The following AGAP1 variants were observed in gnomAD, a reference collection of about 807,000 sequenced individuals.
AGAP1 encodes arf-GAP with GTPase, ANK repeat and PH domain-containing protein 1.
A neutral mutation model predicts 105.3 loss-of-function variants in AGAP1; 29 were observed. The ratio of observed to expected loss-of-function variants is 0.28; its 90% CI spans 0.21 to 0.38. AGAP1 has a LOEUF of 0.38. AGAP1 is among the 10% of genes least tolerant of loss of function. AGAP1 has a pLI of 1.00. For synonymous variants in AGAP1, 509 were observed against 485.9 expected, an observed-to-expected ratio of 1.05 and a Z score of -0.63; for missense variants, 998 against 1,165.1, an observed-to-expected ratio of 0.86 and a Z score of 2.09.
chr2:235,799,427 A>G lies in AGAP1; in HGVS notation c.862A>G (p.Thr288Ala). Residue 288 changes from threonine (T) to alanine (A), a missense_variant, in exon 8 of 18, where the codon ACC becomes GCC. Physicochemically the swap from Thr to Ala is moderately conservative, Grantham distance 58. This residue lies in a region of AGAP1 where 735 missense variants were observed against 833.4 expected (regional missense o/e 0.88). Coordinates refer to ENST00000304032, the MANE Select transcript of AGAP1 (RefSeq NM_001037131.3). This position sits in a 1 kb window ranked among gnomAD's most constrained non-coding sequence, Gnocchi z 5.0. ...YSSSVPSTPS[T>A]SQKELRIDVP... ...CTCCTCCGTTCCATCGACTCCCAGC[A>G]CCAGCCAGAAGGAACTTCGGATCGA... 6.2e-7 allele frequency: 1 copy of G among 1,614,164 alleles called. No individual in the cohort carries two copies. The highest frequency in any genetic ancestry group is 8.5e-7 in the Non-Finnish European group (1 of 1,180,046).
intron 16 of AGAP1, among the ~76,000 whole-genome samples, chr2:236,057,655 A>G (rs940105059): frequency 6.6e-6 from 1 of 152,028 alleles, no homozygotes; most frequent in African/African-American, 2.4e-5. Flanking sequence ...AGACCTCACA[A>G]TCATATTTAT....
intron 6 of AGAP1, among the ~76,000 whole-genome samples, chr2:235,778,195 T>G (rs1956024529): frequency 1.3e-5 from 2 of 152,160 alleles, no homozygotes; most frequent in Admixed American, 1.3e-4. Context: ...CTGTGGCTGC[T>G]TGAGCACCAG....
chr2:235,686,727 T>C, intron 1 of AGAP1, among the ~76,000 whole-genome samples: 1 of 145,424 alleles, frequency 6.9e-6, no homozygotes, highest in Admixed American at 7.1e-5. Context: ...AGTGGCGTGA[T>C]CATGGTTCAC....
intron 16 of AGAP1, among the ~76,000 whole-genome samples, chr2:236,071,571 C>T (rs576164021): frequency 2.0e-5 from 3 of 152,300 alleles, no homozygotes; most frequent in African/African-American, 4.8e-5. Flanking sequence ...AGGGGACTCA[C>T]GGTAAACAGT....
At chr2:235,756,530 C>T (rs1244487483) in intron 6 of AGAP1, among the ~76,000 whole-genome samples, 1 of 152,166 alleles carries the variant, frequency 6.6e-6, no homozygotes, top group Non-Finnish European at 1.5e-5. Context: ...TGCCCTTTCT[C>T]TCTTCACTCC....
In AGAP1 at chr2:235,599,643, G is replaced by A. The variant is rs1024784662; in HGVS notation, c.163+104794G>A. Among the ~76,000 whole-genome samples, 3 of 151,906 alleles carry A rather than the reference G, an allele frequency of 2.0e-5. No individual in the cohort carries two copies. Among genetic ancestry groups the A allele is most frequent in the South Asian group, 2.1e-4 (1 of 4,826 alleles). ...CTCCGGAAGTTCCTGGGAGTGGCTC[G>A]TAGAGCCTGTTTTCATCCTTCAGAG... On this transcript the variant is annotated intron_variant, in intron 1 of 17. Transcript: ENST00000304032. This position sits in a 1 kb window ranked among gnomAD's most constrained non-coding sequence, Gnocchi z 5.3.
chr2:235,506,320 G>A (rs576337452), intron 1 of AGAP1, among the ~76,000 whole-genome samples: 5 of 152,080 alleles, frequency 3.3e-5, no homozygotes, highest in Admixed American at 1.3e-4. Flanking sequence ...TAATCTCAGC[G>A]CTTCGGGAGG....
At position 236,061,609 on chromosome 2, in the gene AGAP1, A is replaced by G. The variant is rs2058196839; in HGVS notation, c.2114+12328A>G. ...GGAAAGGAAGCAGGCACAGAAGGCCACACCGTGTACCATTCCATCTGTCTG... is the reference window on the plus strand; with the variant it reads ...GGAAAGGAAGCAGGCACAGAAGGCCGCACCGTGTACCATTCCATCTGTCTG... On this transcript the variant is annotated intron_variant, in intron 16 of 17. Coordinates refer to ENST00000304032, the MANE Select transcript of AGAP1 (RefSeq NM_001037131.3). This position sits in a 1 kb window ranked among gnomAD's most constrained non-coding sequence, Gnocchi z 4.1. Among the ~76,000 whole-genome samples, 1 of 152,164 alleles carries G rather than the reference A, an allele frequency of 6.6e-6. No individual in the cohort carries two copies. Among genetic ancestry groups the G allele is most frequent in the African/African-American group, 2.4e-5 (1 of 41,448 alleles).
intron 1 of AGAP1, among the ~76,000 whole-genome samples, chr2:235,645,562 G>A (rs1444914946): frequency 2.0e-5 from 3 of 152,122 alleles, no homozygotes; most frequent in South Asian, 4.2e-4. Flanking sequence ...CAGGGCCACC[G>A]TGAAAGAAGA....
At position 235,700,353 on chromosome 2, in the gene AGAP1, GA is replaced by G. The variant is rs915803862; in HGVS notation, c.164-8825del. On this transcript the variant is annotated intron_variant, in intron 1 of 17. Coordinates refer to ENST00000304032, the MANE Select transcript of AGAP1 (RefSeq NM_001037131.3). The surrounding 1 kb of genome is among the most constrained non-coding windows in gnomAD (Gnocchi z 6.1). ...GGGCAATTTTCTTCCTTGCCGTTTT[GA>G]CTTTCAAATCCTCACGCCCTCTGCT... 6.6e-6 allele frequency among the ~76,000 whole-genome samples: 1 copy of G among 152,142 alleles called. No homozygotes were observed. The highest frequency in any genetic ancestry group is 1.5e-5 in the Non-Finnish European group (1 of 68,026).
Position 235,559,752 on chromosome 2 carries a change from T to A in AGAP1, c.163+64903T>A, listed in dbSNP as rs550474564. The stretch of plus-strand genomic sequence containing the variant: ...CTAATGGTGTTGACCTTTTTTTTTT[T>A]AAATATGCTTATCTTAAAGCATATT... On this transcript the variant is annotated intron_variant, in intron 1 of 17. Transcript: ENST00000304032. This position sits in a 1 kb window ranked among gnomAD's most constrained non-coding sequence, Gnocchi z 5.7. Among the ~76,000 whole-genome samples the A allele has an allele frequency of 1.4e-4, 22 of 152,150 alleles. No homozygotes were observed. The highest frequency in any genetic ancestry group is 2.1e-4 in the South Asian group (1 of 4,820).
In AGAP1 at chr2:236,089,686, A is replaced by G. The variant is rs1303445149; in HGVS notation, c.2115-30506A>G. Reference sequence around the variant, plus strand: ...AATTTCTGATTCCTGTACAGTCAGCATTAATATGCTGCTTTTCAGACATCC... The same window carrying G: ...AATTTCTGATTCCTGTACAGTCAGCGTTAATATGCTGCTTTTCAGACATCC... On this transcript the variant is annotated intron_variant, in intron 16 of 17. Transcript: ENST00000304032. This position sits in a 1 kb window ranked among gnomAD's most constrained non-coding sequence, Gnocchi z 5.6. Among the ~76,000 whole-genome samples the G allele has an allele frequency of 6.6e-6, 1 of 152,228 alleles. No individual in the cohort carries two copies. The highest frequency in any genetic ancestry group is 1.5e-5 in the Non-Finnish European group (1 of 68,038).
intron 1 of AGAP1, among the ~76,000 whole-genome samples, chr2:235,632,294 G>A (rs1212323598): frequency 2.6e-5 from 4 of 152,218 alleles, no homozygotes; most frequent in Non-Finnish European, 5.9e-5. Flanking sequence ...CTGTCCCCAG[G>A]AGCTAAAGAA....
chr2:235,561,340 A>G lies in AGAP1; in HGVS notation c.163+66491A>G, dbSNP rs528067705. 5.9e-5 allele frequency among the ~76,000 whole-genome samples: 9 copies of G among 152,304 alleles called. No individual in the cohort carries two copies. In the South Asian group the frequency reaches 1.9e-3, roughly 32 times the overall value. On this transcript the variant is annotated intron_variant, in intron 1 of 17. Coordinates refer to ENST00000304032, the MANE Select transcript of AGAP1 (RefSeq NM_001037131.3). ...TCAGGAGCTGCTGGGGTCTGCGGGT[A>G]AGAACAGGAGGGCTTCCTAAGCTCT...
At chr2:235,650,873 A>C (rs2149322354) in intron 1 of AGAP1, among the ~76,000 whole-genome samples, 1 of 152,236 alleles carries the variant, frequency 6.6e-6, no homozygotes, top group East Asian at 1.9e-4. Flanking sequence ...TGGCACCATT[A>C]GGAGACAGCC....
Position 235,906,071 on chromosome 2 carries a change from A to G in AGAP1, c.1156-2667A>G, listed in dbSNP as rs1308899571. Among the ~76,000 whole-genome samples the G allele has an allele frequency of 6.6e-6, 1 of 152,092 alleles. No homozygotes were observed. Among genetic ancestry groups the G allele is most frequent in the Non-Finnish European group, 1.5e-5 (1 of 68,004 alleles). The stretch of plus-strand genomic sequence containing the variant: ...TCCCGTTACCCGAACCCACCATGAC[A>G]GCTTTCCTCCAAGGGGGCTGTGGCT... On this transcript the variant is annotated intron_variant, in intron 10 of 17. Coordinates refer to ENST00000304032, the MANE Select transcript of AGAP1 (RefSeq NM_001037131.3). The surrounding 1 kb of genome is among the most constrained non-coding windows in gnomAD (Gnocchi z 5.3).
chr2:236,056,042 G>A lies in AGAP1; in HGVS notation c.2114+6761G>A, dbSNP rs1232319282. ...CAGATTACAGTTGACAACAGATAGA[G>A]CAATGCATCTAGTGAACCTCCACCA... is the stretch of plus-strand genomic sequence containing the variant. On this transcript the variant is annotated intron_variant, in intron 16 of 17. Coordinates refer to ENST00000304032, the MANE Select transcript of AGAP1 (RefSeq NM_001037131.3). This position sits in a 1 kb window ranked among gnomAD's most constrained non-coding sequence, Gnocchi z 4.6. Among the ~76,000 whole-genome samples, 5 of 152,290 alleles carry A rather than the reference G, an allele frequency of 3.3e-5. No individual in the cohort carries two copies. Among genetic ancestry groups the A allele is most frequent in the East Asian group, 1.9e-4 (1 of 5,188 alleles).
At chr2:235,748,001 A>G (rs1278225434) in intron 5 of AGAP1, among the ~76,000 whole-genome samples, 1 of 152,244 alleles carries the variant, frequency 6.6e-6, no homozygotes, top group Non-Finnish European at 1.5e-5. Flanking sequence ...GGACTGCACG[A>G]ATGTTCATAA....
chr2:235,986,793 G>A (rs2055332871), intron 13 of AGAP1, among the ~76,000 whole-genome samples: 1 of 152,140 alleles, frequency 6.6e-6, no homozygotes, highest in Admixed American at 6.6e-5. Context: ...TGTGTATGTT[G>A]AACCAGCCTT....
Sources: gnomAD v4.1 joint callset for allele counts (sites outside exome capture counted in the v4.1 genomes callset) on GRCh38, gnomAD v4.1.1 for gene constraint, gnomAD v4.1.1 regional missense constraint, Gnocchi (gnomAD v3.1) non-coding constraint, MANE v1.5 for transcripts, NCBI Gene and HGNC (gene_info 2026-07-23, HGNC 2026-07-21) for gene names.